The following CDK14 variants were observed in gnomAD, a reference collection of about 807,000 sequenced individuals.
The protein encoded by CDK14 is cyclin-dependent kinase 14.
Under a neutral mutation model 60.7 loss-of-function variants are expected in CDK14, and 34 were observed. That is an observed-to-expected ratio of 0.56 (90% CI 0.43 to 0.75). The LOEUF (loss-of-function observed/expected upper bound fraction) is 0.75. Ranked by LOEUF, CDK14 falls within the 30% of genes least tolerant of loss-of-function variation. CDK14 has a pLI of 0.00. For missense variants in CDK14, 482 were observed against 564.1 expected, an observed-to-expected ratio of 0.85 and a Z score of 1.47; for synonymous variants, 197 against 203.7, an observed-to-expected ratio of 0.97 and a Z score of 0.28.
intron 2 of CDK14, among the ~76,000 whole-genome samples, chr7:90,641,367 A>G (rs1483597972): frequency 6.6e-6 from 1 of 152,210 alleles, no homozygotes. Context: ...AAAATGTGGG[A>G]ACAATCCCAA....
chr7:90,942,493 C>A (rs740826), intron 8 of CDK14, among the ~76,000 whole-genome samples: 126,179 of 152,242 alleles, frequency 0.83, 52,437 homozygotes, highest in East Asian at 0.95. Context: ...CCAACAGTCC[C>A]ACATCAGTAA....
intron 14 of CDK14, among the ~76,000 whole-genome samples, chr7:91,141,509 A>T (rs890496941): frequency 2.0e-5 from 3 of 152,202 alleles, no homozygotes; most frequent in Non-Finnish European, 4.4e-5. Flanking sequence ...AGCCTCTGGC[A>T]TAATAGGACT....
chr7:90,942,514 A>C (rs1326839961), intron 8 of CDK14, among the ~76,000 whole-genome samples: 1 of 152,218 alleles, frequency 6.6e-6, no homozygotes, highest in East Asian at 1.9e-4. Context: ...TCCTTGTGAG[A>C]TTTAGACTTA....
At chr7:90,867,120 T>C (rs1055368978) in intron 6 of CDK14, among the ~76,000 whole-genome samples, 1 of 152,166 alleles carries the variant, frequency 6.6e-6, no homozygotes, top group Non-Finnish European at 1.5e-5. Context: ...TTGGGTCTAA[T>C]ATGTCAAACA....
chr7:90,970,041 A>G (rs898172922), intron 9 of CDK14, among the ~76,000 whole-genome samples: 1 of 148,332 alleles, frequency 6.7e-6, no homozygotes, highest in Admixed American at 6.9e-5. Flanking sequence ...ATCTCGGCTC[A>G]TTGCAACCTC....
At chr7:91,194,388 A>G (rs887656684) in intron 14 of CDK14, among the ~76,000 whole-genome samples, 15 of 152,238 alleles carry the variant, frequency 9.9e-5, no homozygotes, top group African/African-American at 3.6e-4. Flanking sequence ...AGTAATTACA[A>G]AAAGAATAAA....
chr7:90,894,903 A>G (rs1315775939), intron 6 of CDK14, among the ~76,000 whole-genome samples: 1 of 152,096 alleles, frequency 6.6e-6, no homozygotes, highest in Non-Finnish European at 1.5e-5. Flanking sequence ...TTGATGTGTT[A>G]GTTTTTTAAT....
intron 14 of CDK14, among the ~76,000 whole-genome samples, chr7:91,141,395 G>A (rs751910159): frequency 5.3e-5 from 8 of 152,182 alleles, no homozygotes; most frequent in Admixed American, 3.9e-4. Flanking sequence ...GGATAATTAG[G>A]CCAAGTCTGG....
intron 8 of CDK14, among the ~76,000 whole-genome samples, chr7:90,951,456 T>C (rs1794261084): frequency 6.6e-6 from 1 of 152,216 alleles, no homozygotes; most frequent in Non-Finnish European, 1.5e-5. Context: ...TTTGCTGTTA[T>C]TAATTTCACT....
At chr7:91,099,737 G>A (rs1799101892) in intron 12 of CDK14, among the ~76,000 whole-genome samples, 1 of 152,050 alleles carries the variant, frequency 6.6e-6, no homozygotes, top group Non-Finnish European at 1.5e-5. Flanking sequence ...TGTCTTTCAG[G>A]TAACAATGGG....
At chr7:90,649,288 CTTTCTTTCT>C (rs1800543104) in intron 2 of CDK14, among the ~76,000 whole-genome samples, 1 of 63,610 alleles carries the variant, frequency 1.6e-5, no homozygotes, top group African/African-American at 7.9e-5. Flanking sequence ...TTCTTTCTTT[CTTTCTTTCT>C]TTCTTTCTTT....
intron 8 of CDK14, among the ~76,000 whole-genome samples, chr7:90,927,360 C>T (rs1793450360): frequency 6.6e-6 from 1 of 152,112 alleles, no homozygotes; most frequent in African/African-American, 2.4e-5. Flanking sequence ...CTTAGGAGCT[C>T]TGTGTCAGGA....
intron 3 of CDK14, among the ~76,000 whole-genome samples, chr7:90,738,116 T>G (rs1022363868): frequency 2.8e-5 from 3 of 108,768 alleles, no homozygotes; most frequent in Non-Finnish European, 6.7e-5. Flanking sequence ...GTTAGGACTC[T>G]GTGTGAATAT....
chr7:90,623,709 C>T (rs972932547), intron 2 of CDK14, among the ~76,000 whole-genome samples: 3 of 152,146 alleles, frequency 2.0e-5, no homozygotes, highest in African/African-American at 7.2e-5. Context: ...CATCCTGAGC[C>T]ATCCCTCAGA....
chr7:90,902,886 C>T (rs535408482), intron 7 of CDK14, among the ~76,000 whole-genome samples: 1 of 152,120 alleles, frequency 6.6e-6, no homozygotes, highest in South Asian at 2.1e-4. Context: ...ATTCAAACAA[C>T]TTAACAGCAA....
intron 14 of CDK14, among the ~76,000 whole-genome samples, chr7:91,138,746 T>A (rs1800358062): frequency 6.6e-6 from 1 of 152,174 alleles, no homozygotes; most frequent in Non-Finnish European, 1.5e-5. Flanking sequence ...TGATTTCTAT[T>A]TCTTTCTTTC....
At chr7:90,811,540 T>A (rs944681448) in intron 5 of CDK14, among the ~76,000 whole-genome samples, 7 of 151,968 alleles carry the variant, frequency 4.6e-5, no homozygotes, top group Non-Finnish European at 1.0e-4. Flanking sequence ...GCAATACCAT[T>A]CAGGACATAG....
At chr7:90,796,819 C>T (rs140432020) in intron 5 of CDK14, among the ~76,000 whole-genome samples, 6 of 151,838 alleles carry the variant, frequency 4.0e-5, no homozygotes, top group South Asian at 2.1e-4. Context: ...AAGAGTTTAG[C>T]GTAAGTAGTA....
chr7:90,816,262 C>T (rs1486419887), intron 5 of CDK14, among the ~76,000 whole-genome samples: 3 of 152,116 alleles, frequency 2.0e-5, no homozygotes, highest in African/African-American at 7.2e-5. Flanking sequence ...AGTACTTCCA[C>T]TCCACATCAA....
Sources: gnomAD v4.1 joint callset for allele counts (sites outside exome capture counted in the v4.1 genomes callset) on GRCh38, gnomAD v4.1.1 for gene constraint, MANE v1.5 for transcripts, NCBI Gene and HGNC (gene_info 2026-07-23, HGNC 2026-07-21) for gene names.